Variants in NCAM1 observed in about 807,000 individuals in gnomAD.
The protein encoded by NCAM1 is antigen recognized by monoclonal antibody 5.1H11.
NCAM1 carries 14 observed loss-of-function variants against 109.8 expected under a neutral mutation model. That is an observed-to-expected ratio of 0.13 (90% CI 0.08 to 0.20). NCAM1 has a LOEUF of 0.20. Ranked by LOEUF, NCAM1 falls within the 10% of genes least tolerant of loss-of-function variation. NCAM1 has a pLI of 1.00. For synonymous variants in NCAM1, 418 were observed against 442.9 expected, an observed-to-expected ratio of 0.94 and a Z score of 0.70; for missense variants, 774 against 1,109.9, an observed-to-expected ratio of 0.70 and a Z score of 4.30.
intron 1 of NCAM1, among the ~76,000 whole-genome samples, chr11:113,076,408 C>T (rs1403099553): frequency 3.9e-5 from 6 of 152,148 alleles, no homozygotes; most frequent in African/African-American, 1.4e-4. Context: ...CATGGCCCCT[C>T]TAGGCCAATG....
At chr11:113,044,349 TG>T (rs1221991118) in intron 1 of NCAM1, among the ~76,000 whole-genome samples, 1 of 150,612 alleles carries the variant, frequency 6.6e-6, no homozygotes, top group East Asian at 2.0e-4. Context: ...ATTCCTTCTG[TG>T]TGTGACACAC....
At chr11:113,253,337 G>A (rs1555121710) in intron 15 of NCAM1, among the ~76,000 whole-genome samples, 1 of 152,134 alleles carries the variant, frequency 6.6e-6, no homozygotes, top group African/African-American at 2.4e-5. Context: ...ACCTTGGAGT[G>A]CATCTCCCTA....
intron 1 of NCAM1, among the ~76,000 whole-genome samples, chr11:113,025,553 T>C (rs1674877563): frequency 6.6e-6 from 1 of 151,980 alleles, no homozygotes; most frequent in Non-Finnish European, 1.5e-5. Flanking sequence ...TAAGAATTCC[T>C]ATGAAGAAAA....
rs1950619461 is a variant in NCAM1, at chr11:112,963,248, T to G, written c.52+1584T>G. The G allele has an allele frequency of 6.6e-6, 1 of 152,586 alleles. No homozygotes were observed. Among genetic ancestry groups the G allele is most frequent in the African/African-American group, 2.4e-5 (1 of 41,468 alleles). 9.5% of individuals were successfully genotyped at this position (152,586 alleles called of 1,614,324 possible). ...CCCGCCCTGCGGCCGGTCCCCCGCC[T>G]GCCCGGCAGTTTCCGAGGAAATAAA... is the stretch of plus-strand genomic sequence containing the variant. On this transcript the variant is annotated intron_variant, in intron 1 of 19. Transcript: ENST00000316851. The surrounding 1 kb of genome is among the most constrained non-coding windows in gnomAD (Gnocchi z 4.6).
intron 1 of NCAM1, among the ~76,000 whole-genome samples, chr11:113,090,006 G>T (rs1241805047): frequency 1.3e-5 from 2 of 152,174 alleles, no homozygotes; most frequent in Non-Finnish European, 2.9e-5. Flanking sequence ...TACATAGATT[G>T]ACGAAAAGAG....
intron 9 of NCAM1, chr11:113,231,296 T>C: frequency 6.5e-7 from 1 of 1,534,850 alleles, no homozygotes; most frequent in Middle Eastern, 1.7e-4. Context: ...CTGCTGCTGC[T>C]GCAATATCTG....
Position 113,084,278 on chromosome 11 carries a change from C to T in NCAM1, c.53-118101C>T, listed in dbSNP as rs190833720. On this transcript the variant is annotated intron_variant, in intron 1 of 19. Transcript: ENST00000316851. The stretch of plus-strand genomic sequence containing the variant: ...TTCATTAAATTTTGAGCCCTAGAGA[C>T]TTTATTCTCCTCACCCCTGTTCTAT... Among the ~76,000 whole-genome samples, 9 of 152,280 alleles carry T rather than the reference C, an allele frequency of 5.9e-5. No homozygotes were observed. The East Asian group carries it at 1.7e-3, about 29-fold the overall frequency.
intron 1 of NCAM1, among the ~76,000 whole-genome samples, chr11:113,054,313 G>C (rs542896763): frequency 6.6e-6 from 1 of 152,214 alleles, no homozygotes; most frequent in East Asian, 1.9e-4. Context: ...TACTTAATTG[G>C]AGTCCGGTGT....
At chr11:112,982,615 G>A (rs929073054) in intron 1 of NCAM1, among the ~76,000 whole-genome samples, 1 of 151,804 alleles carries the variant, frequency 6.6e-6, no homozygotes, top group Non-Finnish European at 1.5e-5. Context: ...GTAAAGGAAG[G>A]CATTATGCAA....
At position 113,105,096 on chromosome 11, in the gene NCAM1, T is replaced by G. The variant is rs1280564597; in HGVS notation, c.53-97283T>G. 4.6e-5 allele frequency among the ~76,000 whole-genome samples: 7 copies of G among 152,236 alleles called. 1 individual carries two copies. The South Asian group carries it at 1.0e-3, about 23-fold the overall frequency. ...CACGTCAAAGTTTGGCTCAAACATC[T>G]CTTTGCACTTCATGTTGGAGGAAAC... On this transcript the variant is annotated intron_variant, in intron 1 of 19. Transcript: ENST00000316851.
intron 1 of NCAM1, among the ~76,000 whole-genome samples, chr11:113,086,744 C>G (rs1939108531): frequency 6.6e-6 from 1 of 151,946 alleles, no homozygotes; most frequent in African/African-American, 2.4e-5. Context: ...GAAGCGTGAA[C>G]AGAGGATTGG....
intron 14 of NCAM1, among the ~76,000 whole-genome samples, chr11:113,239,406 C>T (rs1945261275): frequency 6.6e-6 from 1 of 151,886 alleles, no homozygotes; most frequent in African/African-American, 2.4e-5. Flanking sequence ...TTCATAATTT[C>T]ATTGCCCAAA....
At chr11:113,251,047 C>T (rs930470587) in intron 15 of NCAM1, among the ~76,000 whole-genome samples, 1 of 152,164 alleles carries the variant, frequency 6.6e-6, no homozygotes, top group African/African-American at 2.4e-5. Flanking sequence ...GTGATCCACC[C>T]ACCTCAGCCT....
intron 6 of NCAM1, among the ~76,000 whole-genome samples, 157 bp downstream of exon 6, chr11:113,207,535 T>G (rs1944273555): frequency 6.6e-6 from 1 of 152,234 alleles, no homozygotes. Flanking sequence ...TTCTCTTGCT[T>G]GTGCATTGAT....
At chr11:113,241,053 G>T (rs951302812) in intron 14 of NCAM1, among the ~76,000 whole-genome samples, 1 of 152,186 alleles carries the variant, frequency 6.6e-6, no homozygotes, top group Non-Finnish European at 1.5e-5. Flanking sequence ...GAAAAGCATT[G>T]TTCTGGATAG....
At chr11:113,167,023 C>G (rs782538237) in intron 1 of NCAM1, among the ~76,000 whole-genome samples, 3 of 152,108 alleles carry the variant, frequency 2.0e-5, no homozygotes, top group Non-Finnish European at 4.4e-5. Context: ...TGAATTTTCC[C>G]TTGCATTTAA....
chr11:113,024,008 TA>T lies in NCAM1; in HGVS notation c.52+62349del, dbSNP rs143872966. 2.9e-3 allele frequency among the ~76,000 whole-genome samples: 449 copies of T among 152,328 alleles called. 1 individual carries two copies. The highest frequency in any genetic ancestry group is 9.6e-3 in the African/African-American group (398 of 41,578). ...AGCTCTCCAGTTGCTTTCAGGGATT[TA>T]AAAAGTTGGGTCCGGTTTTCTTCAT... is the stretch of plus-strand genomic sequence containing the variant. On this transcript the variant is annotated intron_variant, in intron 1 of 19. Transcript: ENST00000316851.
At chr11:113,060,407 C>T (rs1019073855) in intron 1 of NCAM1, among the ~76,000 whole-genome samples, 1 of 152,140 alleles carries the variant, frequency 6.6e-6, no homozygotes, top group African/African-American at 2.4e-5. Flanking sequence ...ATAACTTGGA[C>T]CCTTTAATCA....
intron 5 of NCAM1, 97 bp downstream of exon 5, chr11:113,206,277 C>A: frequency 7.6e-7 from 1 of 1,312,528 alleles, no homozygotes; most frequent in Non-Finnish European, 1.0e-6. Context: ...TAAATTAAAT[C>A]CTGTCCTGAC....
Sources: allele counts gnomAD v4.1 joint callset (sites outside exome capture counted in the v4.1 genomes callset), GRCh38; gene constraint gnomAD v4.1.1; non-coding constraint Gnocchi (gnomAD v3.1); transcripts MANE v1.5; gene names NCBI Gene and HGNC (gene_info 2026-07-23, HGNC 2026-07-21).